The following DGKB variants were observed in gnomAD, a reference collection of about 807,000 sequenced individuals.
DGKB encodes diacylglycerol kinase beta, also known as 90 kDa diacylglycerol kinase.
Under a neutral mutation model 114.3 loss-of-function variants are expected in DGKB, and 67 were observed. That is an observed-to-expected ratio of 0.59 (90% CI 0.48 to 0.72). The LOEUF is 0.72. Ranked by LOEUF, DGKB falls within the 30% of genes least tolerant of loss-of-function variation. The probability of loss-of-function intolerance (pLI) is 0.00; values close to 1 mark genes in which losing one functional copy is unlikely to be tolerated. For synonymous variants in DGKB, 398 were observed against 323.1 expected (o/e 1.23, Z -2.49); for missense variants, 907 against 975.2 (o/e 0.93, Z 0.93).
intron 20 of DGKB, among the ~76,000 whole-genome samples, chr7:14,555,187 TC>T (rs1795704997): frequency 6.6e-6 from 1 of 152,228 alleles, no homozygotes; most frequent in Non-Finnish European, 1.5e-5. Flanking sequence ...TTCTGTCACT[TC>T]ATTTATTATG....
intron 21 of DGKB, among the ~76,000 whole-genome samples, chr7:14,472,357 C>T (rs1176098267): frequency 6.6e-6 from 1 of 152,170 alleles, no homozygotes; most frequent in Non-Finnish European, 1.5e-5. Flanking sequence ...CAAGCTAGCT[C>T]TCTCATTGCC....
At chr7:14,224,161 T>G (rs537671175) in intron 23 of DGKB, among the ~76,000 whole-genome samples, 1 of 151,920 alleles carries the variant, frequency 6.6e-6, no homozygotes, top group Non-Finnish European at 1.5e-5. Context: ...GTACTCCATC[T>G]TGCAATATGT....
At chr7:14,340,412 G>C (rs533105215) in intron 22 of DGKB, among the ~76,000 whole-genome samples, 112 of 151,554 alleles carry the variant, frequency 7.4e-4, no homozygotes, top group Middle Eastern at 3.4e-3. Flanking sequence ...GTACTGGCTG[G>C]ATAATTAGAT....
At chr7:14,908,239 T>C (rs1783809981), upstream of DGKB, among the ~76,000 whole-genome samples, 3 of 152,180 alleles carry the variant, frequency 2.0e-5, no homozygotes, top group South Asian at 6.2e-4. Context: ...AGAAACTACA[T>C]AGGCCAATTT....
intron 1 of DGKB, among the ~76,000 whole-genome samples, chr7:14,871,494 A>T (rs217559): frequency 0.91 from 138,354 of 151,944 alleles, 63,450 homozygotes; most frequent in Non-Finnish European, 0.96. Flanking sequence ...TTTACTATCC[A>T]CAGAGTCAAT....
intron 4 of DGKB, among the ~76,000 whole-genome samples, chr7:14,739,947 C>T (rs1056537753): frequency 2.6e-5 from 4 of 152,236 alleles, no homozygotes; most frequent in Admixed American, 6.5e-5. Context: ...ACGTTCCCGC[C>T]GTGCTGGGGC....
At chr7:14,612,539 GA>G (rs1805751321) in intron 16 of DGKB, among the ~76,000 whole-genome samples, 1 of 151,960 alleles carries the variant, frequency 6.6e-6, no homozygotes, top group Non-Finnish European at 1.5e-5. Context: ...TTAAATGGTA[GA>G]AAAAAATTAC....
intron 2 of DGKB, among the ~76,000 whole-genome samples, chr7:14,812,679 T>G (rs1369053446): frequency 6.6e-6 from 1 of 152,190 alleles, no homozygotes; most frequent in African/African-American, 2.4e-5. Context: ...AGAATTTATC[T>G]TGTCAAATAT....
intron 20 of DGKB, among the ~76,000 whole-genome samples, chr7:14,493,591 G>A (rs1249605744): frequency 6.6e-6 from 1 of 151,984 alleles, no homozygotes; most frequent in African/African-American, 2.4e-5. Context: ...ATTAGGCTAC[G>A]AGTGACCTAA....
At chr7:14,555,771 C>T (rs1292521127) in intron 20 of DGKB, among the ~76,000 whole-genome samples, 1 of 152,166 alleles carries the variant, frequency 6.6e-6, no homozygotes, top group Admixed American at 6.5e-5. Context: ...CCAAGATGGT[C>T]ACAAGAGTGA....
intron 21 of DGKB, among the ~76,000 whole-genome samples, chr7:14,411,892 A>G (rs1310031835): frequency 6.6e-6 from 1 of 152,230 alleles, no homozygotes; most frequent in Non-Finnish European, 1.5e-5. Context: ...ATATTAATAT[A>G]GTAGAATAAT....
At chr7:14,507,106 C>T (rs1000643416) in intron 20 of DGKB, among the ~76,000 whole-genome samples, 5 of 152,138 alleles carry the variant, frequency 3.3e-5, no homozygotes, top group African/African-American at 1.2e-4. Context: ...AACACAATAA[C>T]TTCTATTGTG....
intron 1 of DGKB, among the ~76,000 whole-genome samples, chr7:14,846,276 C>A (rs1393330372): frequency 2.0e-5 from 3 of 152,142 alleles, no homozygotes; most frequent in Non-Finnish European, 4.4e-5. Flanking sequence ...TCTCACCTTT[C>A]TTCTAGTGTA....
chr7:14,864,315 T>A (rs957267709), intron 1 of DGKB, among the ~76,000 whole-genome samples: 3 of 152,032 alleles, frequency 2.0e-5, no homozygotes, highest in Admixed American at 2.0e-4. Context: ...AAAACAAACA[T>A]ACACATGCAC....
intron 21 of DGKB, among the ~76,000 whole-genome samples, chr7:14,393,049 C>T (rs1168425938): frequency 9.7e-5 from 12 of 123,554 alleles, no homozygotes; most frequent in Admixed American, 3.0e-4. Context: ...AGTGCAGTGG[C>T]ACGATCTCGG....
chr7:14,365,001 C>T (rs552587580), intron 21 of DGKB, among the ~76,000 whole-genome samples: 1 of 151,988 alleles, frequency 6.6e-6, no homozygotes, highest in South Asian at 2.1e-4. Flanking sequence ...TGGCTGTAAA[C>T]ATCAAATCTC....
In DGKB at chr7:14,512,530, C is replaced by G. The variant is rs188453708; in HGVS notation, c.1771-34305G>C. ...TGGAATGCTCTTTCTATAATCTCTT[C>G]CTGACAACTCAGTCTTTTATTTTCT... On this transcript the variant is annotated intron_variant, in intron 20 of 25. Coordinates refer to ENST00000402815, the MANE Select transcript of DGKB (RefSeq NM_001350709.2). Among the ~76,000 whole-genome samples the G allele has an allele frequency of 2.6e-5, 4 of 152,176 alleles. No individual in the cohort carries two copies. The East Asian group carries it at 5.8e-4, about 22-fold the overall frequency.
intron 1 of DGKB, among the ~76,000 whole-genome samples, chr7:14,914,238 G>C (rs1355212938): frequency 6.6e-6 from 1 of 152,052 alleles, no homozygotes; most frequent in East Asian, 1.9e-4. Flanking sequence ...TTCACATAAG[G>C]GGAAGGAAAA....
At chr7:14,256,875 G>C (rs1796039531) in intron 23 of DGKB, among the ~76,000 whole-genome samples, 1 of 152,142 alleles carries the variant, frequency 6.6e-6, no homozygotes, top group African/African-American at 2.4e-5. Context: ...TAAATTATGA[G>C]AATAACTCAG....
Sources: gnomAD v4.1 joint callset for allele counts (sites outside exome capture counted in the v4.1 genomes callset) on GRCh38, gnomAD v4.1.1 for gene constraint, MANE v1.5 for transcripts, NCBI Gene and HGNC (gene_info 2026-07-23, HGNC 2026-07-21) for gene names.